PHF21B: variants seen among roughly 807,000 people sequenced by gnomAD.
PHF21B encodes the protein PHD finger protein 4.
Under a neutral mutation model 62.2 loss-of-function variants are expected in PHF21B, and 22 were observed. The ratio of observed to expected loss-of-function variants is 0.35; its 90% confidence interval spans 0.25 to 0.51. The LOEUF is 0.51. Ranked by LOEUF, PHF21B falls within the 20% of genes least tolerant of loss-of-function variation. The pLI, the probability that PHF21B is intolerant of heterozygous loss-of-function variation, is 0.97. For missense variants in PHF21B, 701 were observed against 707.9 expected, an observed-to-expected ratio of 0.99 and a Z score of 0.11; for synonymous variants, 341 against 314.7, an observed-to-expected ratio of 1.08 and a Z score of -0.88.
rs752869708 is a variant in PHF21B at position 44,935,375 on chromosome 22, G to A, written c.121-14885C>T. ...CACGCCTGTAATCCCAGCACTTTGC[G>A]AGGCTGAGACGGGCGGATCACGAGG... On this transcript the variant is annotated intron_variant, in intron 2 of 12. Coordinates refer to ENST00000313237, the MANE Select transcript of PHF21B (RefSeq NM_138415.5). Among the ~76,000 whole-genome samples, 78 of 152,110 alleles carry A rather than the reference G, an allele frequency of 5.1e-4. 1 individual carries two copies. The highest frequency in any genetic ancestry group is 1.8e-4 in the Non-Finnish European group (12 of 68,034).
intron 2 of PHF21B, among the ~76,000 whole-genome samples, chr22:44,982,724 G>A (rs949194863): frequency 2.6e-5 from 4 of 152,124 alleles, no homozygotes; most frequent in South Asian, 2.1e-4. Flanking sequence ...GTTTACAGAG[G>A]GCATTTAAAA....
chr22:44,959,120 C>T (rs1320231688), intron 2 of PHF21B, among the ~76,000 whole-genome samples: 1 of 152,128 alleles, frequency 6.6e-6, no homozygotes, highest in Admixed American at 6.5e-5. Context: ...CTCTCAGATC[C>T]GGTTTCTGTT....
At chr22:44,955,371 C>T (rs79170607) in intron 2 of PHF21B, among the ~76,000 whole-genome samples, 7,069 of 152,276 alleles carry the variant, frequency 0.046, 540 homozygotes, top group African/African-American at 0.16. Context: ...GGTCCTGTGA[C>T]GGTTAATTTC....
chr22:44,950,203 G>C (rs979650496), intron 2 of PHF21B, among the ~76,000 whole-genome samples: 7 of 152,194 alleles, frequency 4.6e-5, no homozygotes, highest in Non-Finnish European at 7.3e-5. Flanking sequence ...ACATCCTCCT[G>C]AACATATATG....
Position 44,988,426 on chromosome 22 carries a change from C to T in PHF21B, c.120+20119G>A, listed in dbSNP as rs2072989903. On this transcript the variant is annotated intron_variant, in intron 2 of 12. Transcript: ENST00000313237. ...GCAGTGAGCTAAGATCATGCCGCTG[C>T]ACTCCAGCCTGGGTGACACAGCAAG... Among the ~76,000 whole-genome samples the T allele has an allele frequency of 2.0e-5, 3 of 152,172 alleles. No individual in the cohort carries two copies. The South Asian group carries it at 6.2e-4, about 32-fold the overall frequency.
intron 2 of PHF21B, among the ~76,000 whole-genome samples, chr22:44,929,336 T>C (rs1173438978): frequency 2.0e-5 from 3 of 152,248 alleles, no homozygotes; most frequent in Non-Finnish European, 4.4e-5. Flanking sequence ...TTGGCCTTTA[T>C]GTCCCCATTT....
At chr22:44,954,970 G>A (rs1569252124) in intron 2 of PHF21B, among the ~76,000 whole-genome samples, 3 of 152,204 alleles carry the variant, frequency 2.0e-5, no homozygotes, top group Admixed American at 2.0e-4. Context: ...GGGACAACAG[G>A]ACCTCGGGGT....
chr22:44,884,975 A>G (rs2070829907), intron 12 of PHF21B, among the ~76,000 whole-genome samples: 1 of 152,252 alleles, frequency 6.6e-6, no homozygotes, highest in Admixed American at 6.5e-5. Flanking sequence ...CACTTTACAC[A>G]AGAGGAAACA....
intron 2 of PHF21B, among the ~76,000 whole-genome samples, chr22:44,996,676 A>T (rs537222342): frequency 6.6e-6 from 1 of 152,072 alleles, no homozygotes; most frequent in African/African-American, 2.4e-5. Flanking sequence ...ACAGACACAC[A>T]AACACACACA....
At chr22:44,933,689 C>T (rs1019175820) in intron 2 of PHF21B, among the ~76,000 whole-genome samples, 14 of 151,322 alleles carry the variant, frequency 9.3e-5, no homozygotes, top group African/African-American at 1.9e-4. Context: ...TTCCAGGAGA[C>T]GAGTATCTGG....
At chr22:44,956,575 C>T (rs2147403670) in intron 2 of PHF21B, among the ~76,000 whole-genome samples, 1 of 152,310 alleles carries the variant, frequency 6.6e-6, no homozygotes, top group South Asian at 2.1e-4. Flanking sequence ...ATTTATCACA[C>T]ATTATGGGAC....
intron 5 of PHF21B, among the ~76,000 whole-genome samples, chr22:44,911,888 C>T (rs1424244705): frequency 1.3e-5 from 2 of 152,048 alleles, no homozygotes; most frequent in Non-Finnish European, 1.5e-5. Flanking sequence ...AAGCTGCAGA[C>T]ACTCAACACC....
intron 2 of PHF21B, among the ~76,000 whole-genome samples, chr22:44,992,790 G>A (rs924918676): frequency 2.6e-5 from 4 of 152,164 alleles, no homozygotes; most frequent in South Asian, 4.1e-4. Flanking sequence ...GCGACCTGAC[G>A]CTGACCCCCC....
In PHF21B at chr22:44,956,317, G is replaced by A. The variant is rs2072296025; in HGVS notation, c.121-35827C>T. 2.0e-5 allele frequency among the ~76,000 whole-genome samples: 3 copies of A among 152,174 alleles called. No individual in the cohort carries two copies. The South Asian group carries it at 6.2e-4, about 31-fold the overall frequency. On this transcript the variant is annotated intron_variant, in intron 2 of 12. Transcript: ENST00000313237. ...TAGGGCACCCAGTCTATGAGGCAGAGGCCCGACCCAGGGGCCCGAGAATCA... is the reference window on the plus strand; with the variant it reads ...TAGGGCACCCAGTCTATGAGGCAGAAGCCCGACCCAGGGGCCCGAGAATCA...
intron 2 of PHF21B, among the ~76,000 whole-genome samples, chr22:44,996,971 G>T (rs116303303): frequency 0.014 from 2,182 of 152,196 alleles, 58 homozygotes; most frequent in African/African-American, 0.049. Flanking sequence ...CTTTTCACCA[G>T]AGCACCTGCC....
intron 5 of PHF21B, among the ~76,000 whole-genome samples, chr22:44,902,765 T>C (rs1423812154): frequency 6.6e-6 from 1 of 152,196 alleles, no homozygotes; most frequent in Non-Finnish European, 1.5e-5. Context: ...TTTTTTTTCC[T>C]AGTATTCTTT....
At chr22:44,921,452 C>T (rs963129172) in intron 2 of PHF21B, among the ~76,000 whole-genome samples, 10 of 152,040 alleles carry the variant, frequency 6.6e-5, no homozygotes, top group Non-Finnish European at 1.2e-4. Context: ...TTGCAAGCTC[C>T]GCCTCCCGGG....
chr22:44,906,448 T>C (rs2071251872), intron 5 of PHF21B, among the ~76,000 whole-genome samples: 2 of 152,204 alleles, frequency 1.3e-5, no homozygotes, highest in African/African-American at 4.8e-5. Context: ...AACGTGTGTG[T>C]AACAGGGCTT....
At chr22:44,969,854 T>C (rs2072603672) in intron 2 of PHF21B, among the ~76,000 whole-genome samples, 1 of 152,066 alleles carries the variant, frequency 6.6e-6, no homozygotes, top group South Asian at 2.1e-4. Flanking sequence ...GATGAGGAAA[T>C]GGAGGAACAG....
Sources: allele counts gnomAD v4.1 joint callset (sites outside exome capture counted in the v4.1 genomes callset), GRCh38; gene constraint gnomAD v4.1.1; transcripts MANE v1.5; gene names NCBI Gene and HGNC (gene_info 2026-07-23, HGNC 2026-07-21).